The following KDM5A variants were observed in gnomAD, a reference collection of about 807,000 sequenced individuals.
KDM5A encodes lysine-specific demethylase 5A.
KDM5A carries 42 observed loss-of-function variants against 193.5 expected under a neutral mutation model. The ratio of observed to expected loss-of-function variants is 0.22; its 90% CI spans 0.17 to 0.28. The LOEUF is 0.28. Among genes scored for constraint, KDM5A ranks in the 10% least tolerant of loss-of-function variants. The probability of loss-of-function intolerance (pLI) is 1.00; values close to 1 mark genes in which losing one functional copy is unlikely to be tolerated. For synonymous variants in KDM5A, 796 were observed against 718.1 expected, an observed-to-expected ratio of 1.11 and a Z score of -1.73; for missense variants, 1,692 against 2,055.1, an observed-to-expected ratio of 0.82 and a Z score of 3.42.
intron 7 of KDM5A, among the ~76,000 whole-genome samples, 173 bp downstream of exon 7, chr12:354,985 T>C (rs1228886775): frequency 6.6e-6 from 1 of 152,192 alleles, no homozygotes; most frequent in African/African-American, 2.4e-5. Flanking sequence ...CCTACGTATG[T>C]AGGACAGAGC....
chr12:338,257 T>C (rs1352338980), intron 10 of KDM5A, among the ~76,000 whole-genome samples: 2 of 152,156 alleles, frequency 1.3e-5, no homozygotes, highest in Non-Finnish European at 2.9e-5. Context: ...ATTTGTACAA[T>C]GTGGTTTATG....
At chr12:311,113 T>C (rs777290156) in intron 20 of KDM5A, 49 bp from the exon 21 acceptor site, 2 of 1,567,742 alleles carry the variant, frequency 1.3e-6, no homozygotes, top group Admixed American at 3.3e-5. Flanking sequence ...TTATGGGGTT[T>C]GGCAATATAC....
At chr12:309,166 G>T (rs993045616) in intron 22 of KDM5A, among the ~76,000 whole-genome samples, 1 of 152,096 alleles carries the variant, frequency 6.6e-6, no homozygotes, top group African/African-American at 2.4e-5. Flanking sequence ...ACTACAGCAG[G>T]TCCTCAAATA....
At chr12:314,761 T>C (rs938059371) in intron 19 of KDM5A, among the ~76,000 whole-genome samples, 2 of 151,716 alleles carry the variant, frequency 1.3e-5, no homozygotes, top group Admixed American at 1.3e-4. Context: ...ATAAGAGTGC[T>C]CCACAGGAGA....
intron 16 of KDM5A, 54 bp from the exon 17 acceptor site, chr12:322,621 A>G: frequency 6.6e-7 from 1 of 1,525,614 alleles, no homozygotes; most frequent in Non-Finnish European, 9.0e-7. Flanking sequence ...ACAAAAAGCC[A>G]TTCTAAAATC....
chr12:295,791 A>G lies in KDM5A; in HGVS notation c.4237T>C (p.Ser1413Pro), dbSNP rs766180607. The part of the protein sequence containing the change: ...SSASKSCSQG[S>P]STPRKQPRKS... ...CGAGGTTGTTTCCTTGGGGTGCTAG[A>G]ACCTTTCCCAAAAAATACCATAAAA... Residue 1413 changes from serine to proline, a missense_variant and splice_region_variant, in exon 26 of 28, where the codon TCT becomes CCT. Ser to Pro is a moderately conservative substitution (Grantham distance 74). Transcript: ENST00000399788. The G allele has an allele frequency of 6.2e-7, 1 of 1,613,904 alleles. No homozygotes were observed. Among genetic ancestry groups the G allele is most frequent in the Non-Finnish European group, 8.5e-7 (1 of 1,179,816 alleles).
At chr12:303,007 C>G (rs550039419) in intron 24 of KDM5A, among the ~76,000 whole-genome samples, 5 of 152,250 alleles carry the variant, frequency 3.3e-5, no homozygotes, top group African/African-American at 1.2e-4. Flanking sequence ...ATTAAAAAGT[C>G]AGGAAACAAC....
At chr12:377,069 C>T (rs1319165479) in intron 3 of KDM5A, among the ~76,000 whole-genome samples, 3 of 152,064 alleles carry the variant, frequency 2.0e-5, no homozygotes, top group African/African-American at 7.2e-5. Context: ...GCAGCAGTAC[C>T]TCTAAAATTA....
intron 3 of KDM5A, among the ~76,000 whole-genome samples, chr12:373,199 T>A (rs113023580): frequency 9.2e-5 from 14 of 152,274 alleles, no homozygotes; most frequent in Admixed American, 9.2e-4. Flanking sequence ...CTGGTAGAAT[T>A]TGGCTGTGAA....
At chr12:382,532 A>T (rs1284696880) in intron 3 of KDM5A, among the ~76,000 whole-genome samples, 1 of 152,220 alleles carries the variant, frequency 6.6e-6, no homozygotes, top group Non-Finnish European at 1.5e-5. Context: ...TTTATTTCAA[A>T]ATAGTATATA....
chr12:331,302 G>A (rs1008582053), intron 13 of KDM5A, among the ~76,000 whole-genome samples: 1 of 152,202 alleles, frequency 6.6e-6, no homozygotes, highest in African/African-American at 2.4e-5. Flanking sequence ...AAAATTAGCT[G>A]TGGGTTTAAA....
At position 328,999 on chromosome 12, in the gene KDM5A, A is replaced by C; in HGVS notation, c.1804T>G (p.Tyr602Asp). 2 of 1,614,220 alleles carry C rather than the reference A, an allele frequency of 1.2e-6. No individual in the cohort carries two copies. Among genetic ancestry groups the C allele is most frequent in the Non-Finnish European group, 1.7e-6 (2 of 1,180,022 alleles). ...ACACAGTGGCGCCTTAGGCGTCGGTAATGATTTACACATTGACGTCCAATG... is the reference window on the plus strand; with the variant it reads ...ACACAGTGGCGCCTTAGGCGTCGGTCATGATTTACACATTGACGTCCAATG... ...LPIGRQCVNH[Y>D]RRLRRHCVFS... Residue 602 changes from tyrosine to aspartate, a missense_variant, in exon 14 of 28, where the codon TAC (tyrosine) becomes GAC (aspartate). Tyr to Asp is a radical substitution (Grantham distance 160). This residue lies in a region of KDM5A where 172 missense variants were observed against 260.3 expected (regional missense o/e 0.66). Transcript: ENST00000399788.
At chr12:383,220 T>TC (rs1491382281) in intron 3 of KDM5A, among the ~76,000 whole-genome samples, 1 of 8,392 alleles carries the variant, frequency 1.2e-4, no homozygotes, top group East Asian at 9.6e-3. Context: ...AAATTTTCTC[T>TC]TTTTTTTTTT....
At chr12:387,318 T>C (rs1944648952) in intron 1 of KDM5A, 1 of 338,822 alleles carries the variant, frequency 3.0e-6, no homozygotes, top group African/African-American at 2.3e-5. Context: ...TTTTCAATAA[T>C]GTGACATAAA....
intron 10 of KDM5A, among the ~76,000 whole-genome samples, chr12:342,617 G>A (rs532074789): frequency 4.2e-4 from 64 of 151,804 alleles, no homozygotes; most frequent in African/African-American, 1.4e-3. Flanking sequence ...GCGCCACCAC[G>A]CCCAGCTAAT....
intron 3 of KDM5A, among the ~76,000 whole-genome samples, chr12:368,201 T>C (rs531536659): frequency 2.6e-5 from 4 of 152,262 alleles, no homozygotes; most frequent in African/African-American, 4.8e-5. Flanking sequence ...ATAAGCTACA[T>C]AGAGTAAGCA....
chr12:380,500 C>G (rs1169066246), intron 3 of KDM5A, among the ~76,000 whole-genome samples: 1 of 152,072 alleles, frequency 6.6e-6, no homozygotes, highest in Non-Finnish European at 1.5e-5. Flanking sequence ...CAGATCATTT[C>G]AGGTCAGGAG....
chr12:287,423 T>C (rs995660693), intron 27 of KDM5A, among the ~76,000 whole-genome samples: 7 of 152,068 alleles, frequency 4.6e-5, no homozygotes, highest in Non-Finnish European at 7.4e-5. Flanking sequence ...CTGTAATTGA[T>C]TGTTTAGCTT....
intron 14 of KDM5A, 147 bp downstream of exon 14, chr12:328,688 T>C (rs543738135): frequency 5.6e-6 from 4 of 717,156 alleles, no homozygotes; most frequent in Non-Finnish European, 9.2e-6. Flanking sequence ...AATCAATATG[T>C]CAATTATAAA....
Sources: allele counts gnomAD v4.1 joint callset (sites outside exome capture counted in the v4.1 genomes callset), GRCh38; gene constraint gnomAD v4.1.1; regional missense constraint gnomAD v4.1.1; transcripts MANE v1.5; gene names NCBI Gene and HGNC (gene_info 2026-07-23, HGNC 2026-07-21).